Variants in ANTXR1 observed in about 807,000 individuals in gnomAD.
ANTXR1 encodes the protein ANTXR cell adhesion molecule 1, also known as anthrax toxin receptor 1.
In ANTXR1, 19 loss-of-function variants were observed where a neutral mutation model predicts 78.1. That is an observed-to-expected ratio of 0.24 (90% CI 0.17 to 0.36). The LOEUF (loss-of-function observed/expected upper bound fraction) is 0.36, where lower values mean the gene tolerates loss of function less well. Ranked by LOEUF, ANTXR1 falls within the 10% of genes least tolerant of loss-of-function variation. ANTXR1 has a pLI of 1.00. For synonymous variants in ANTXR1, 273 were observed against 260.5 expected (o/e 1.05, Z -0.46); for missense variants, 518 against 718.6 (o/e 0.72, Z 3.19).
chr2:69,038,214 G>C (rs1669505380), intron 1 of ANTXR1, among the ~76,000 whole-genome samples: 1 of 152,148 alleles, frequency 6.6e-6, no homozygotes, highest in South Asian at 2.1e-4. Flanking sequence ...TCATCTCTGA[G>C]TTCTTGAGGG....
At chr2:69,082,036 T>C (rs540242478) in intron 8 of ANTXR1, among the ~76,000 whole-genome samples, 1 of 152,342 alleles carries the variant, frequency 6.6e-6, no homozygotes, top group East Asian at 1.9e-4. Context: ...CACTGTGTTC[T>C]ACTAAACAAT....
At chr2:69,238,920 C>T (rs140049652) in intron 17 of ANTXR1, among the ~76,000 whole-genome samples, 18 of 152,262 alleles carry the variant, frequency 1.2e-4, no homozygotes, top group African/African-American at 3.6e-4. Flanking sequence ...CTCCACGGAG[C>T]GTGCCTGATG....
intron 3 of ANTXR1, among the ~76,000 whole-genome samples, chr2:69,066,017 G>T (rs1670386324): frequency 6.6e-6 from 1 of 152,140 alleles, no homozygotes; most frequent in Non-Finnish European, 1.5e-5. Context: ...GTGTAAACTA[G>T]ATCCACAAAA....
Position 69,123,068 on chromosome 2 carries a change from T to C in ANTXR1, c.854T>C (p.Ile285Thr), listed in dbSNP as rs371239458. ...ACTTATTTACTGTGTCCAGCGCCTA[T>C]CTTAAAAGAAGTTGGCATGTAAGTT... The part of the protein sequence containing the change: ...EDTYLLCPAP[I>T]LKEVGMKAAL... Residue 285 changes from isoleucine to threonine, a missense_variant, in exon 11 of 18, where the codon ATC (isoleucine) becomes ACC (threonine). Around this residue, in one of 5 missense-constraint regions of ANTXR1, gnomAD observed 264 missense variants for 391.8 expected, o/e 0.67. Coordinates refer to ENST00000303714, the MANE Select transcript of ANTXR1 (RefSeq NM_032208.3). 2.5e-6 allele frequency: 4 copies of C among 1,614,120 alleles called. No individual in the cohort carries two copies. In the African/African-American group the frequency reaches 5.3e-5, roughly 22 times the overall value.
At chr2:69,227,092 T>C (rs1675475160) in intron 17 of ANTXR1, among the ~76,000 whole-genome samples, 2 of 152,178 alleles carry the variant, frequency 1.3e-5, no homozygotes, top group Non-Finnish European at 2.9e-5. Flanking sequence ...TGGGGCCCAG[T>C]GGAAGCCTGA....
At chr2:69,117,315 T>C (rs1672177833) in intron 10 of ANTXR1, among the ~76,000 whole-genome samples, 1 of 152,190 alleles carries the variant, frequency 6.6e-6, no homozygotes, top group Admixed American at 6.5e-5. Context: ...GCTCTGACAC[T>C]CACAAGTGGT....
At position 69,013,533 on chromosome 2, in the gene ANTXR1, G is replaced by A. The variant is rs376783490; in HGVS notation, c.34G>A (p.Gly12Ser). ...ATAERRALGI[G>S]FQWLSLATLV... is the part of the protein sequence containing the mutation. ...GGCGGAGCGGAGAGCCCTCGGCATC[G>A]GCTTCCAGTGGCTCTCTTTGGCCAC... is the stretch of plus-strand genomic sequence containing the variant. Residue 12 changes from glycine to serine, a missense_variant, in exon 1 of 18, where the codon GGC (glycine) becomes AGC (serine). Around this residue, in one of 5 missense-constraint regions of ANTXR1, gnomAD observed 55 missense variants for 52.5 expected, o/e 1.05. Coordinates refer to ENST00000303714, the MANE Select transcript of ANTXR1 (RefSeq NM_032208.3). The surrounding 1 kb of genome is among the most constrained non-coding windows in gnomAD (Gnocchi z 5.0). 16 of 1,584,146 alleles carry A rather than the reference G, an allele frequency of 1.0e-5. No homozygotes were observed. The African/African-American group carries it at 1.3e-4, about 13-fold the overall frequency.
intron 3 of ANTXR1, among the ~76,000 whole-genome samples, chr2:69,055,950 AG>A (rs1314883289): frequency 7.2e-5 from 11 of 152,206 alleles, no homozygotes; most frequent in African/African-American, 2.7e-4. Flanking sequence ...TGTGAAATGA[AG>A]ATAGTAATGC....
Position 69,191,222 on chromosome 2 carries a change from G to A in ANTXR1, c.1354-2113G>A, listed in dbSNP as rs950119293. Among the ~76,000 whole-genome samples, 3 of 152,138 alleles carry A rather than the reference G, an allele frequency of 2.0e-5. No homozygotes were observed. In the East Asian group the frequency reaches 5.8e-4, roughly 29 times the overall value. Reference sequence around the variant, plus strand: ...TTGTAAATTCCTTGCCAAAATAGATGAGAAACACTACACTTGGCAAGACAA... The same window carrying A: ...TTGTAAATTCCTTGCCAAAATAGATAAGAAACACTACACTTGGCAAGACAA... On this transcript the variant is annotated intron_variant, in intron 16 of 17. Transcript: ENST00000303714.
chr2:69,220,767 G>C (rs1281992114), intron 17 of ANTXR1, among the ~76,000 whole-genome samples: 2 of 152,200 alleles, frequency 1.3e-5, no homozygotes, highest in South Asian at 4.1e-4. Flanking sequence ...TGAGCAGATT[G>C]TTGGGGGCCA....
chr2:69,051,177 T>C (rs1200754425), intron 3 of ANTXR1, among the ~76,000 whole-genome samples: 5 of 151,938 alleles, frequency 3.3e-5, no homozygotes, highest in Non-Finnish European at 5.9e-5. Context: ...TCCCACCTAC[T>C]TGGGAGGCGA....
intron 17 of ANTXR1, among the ~76,000 whole-genome samples, chr2:69,242,227 A>G (rs1250151931): frequency 6.6e-6 from 1 of 152,018 alleles, no homozygotes; most frequent in African/African-American, 2.4e-5. Flanking sequence ...CCAAGACACC[A>G]CGGCGGCAGC....
intron 17 of ANTXR1, among the ~76,000 whole-genome samples, chr2:69,194,023 G>A (rs528709799): frequency 6.6e-6 from 1 of 152,352 alleles, no homozygotes; most frequent in South Asian, 2.1e-4. Flanking sequence ...GATAGAGCCA[G>A]GGGAGACCTT....
intron 4 of ANTXR1, 91 bp downstream of exon 4, chr2:69,070,819 G>A: frequency 8.5e-7 from 1 of 1,181,142 alleles, no homozygotes; most frequent in Non-Finnish European, 1.3e-6. Flanking sequence ...CTTATATTAA[G>A]AGGGCTGACT....
rs115727745 is a variant in ANTXR1 at position 69,182,454 on chromosome 2, A to G, written c.1186-39A>G. On this transcript the variant is annotated intron_variant, in intron 15 of 17. Coordinates refer to ENST00000303714, the MANE Select transcript of ANTXR1 (RefSeq NM_032208.3). ...CATTCTCATTCTCGAGGGGCAGCAT[A>G]TTTTGTCATTTCATTTCATTGTATT... is the stretch of plus-strand genomic sequence containing the variant. 8.4e-4 allele frequency: 1,356 copies of G among 1,611,100 alleles called. 13 individuals are homozygous for G. In the African/African-American group the frequency reaches 0.016, roughly 19 times the overall value.
intron 16 of ANTXR1, among the ~76,000 whole-genome samples, chr2:69,188,415 G>A (rs140003867): frequency 1.1e-4 from 16 of 152,316 alleles, no homozygotes; most frequent in Middle Eastern, 3.4e-3. Flanking sequence ...AGAATGCTAT[G>A]AATGCTGGCT....
chr2:69,102,687 A>G (rs1671664130), intron 9 of ANTXR1, among the ~76,000 whole-genome samples, 155 bp from the exon 10 acceptor site: 1 of 152,266 alleles, frequency 6.6e-6, no homozygotes, highest in African/African-American at 2.4e-5. Context: ...AAGTAGTGAA[A>G]GGAACCCACC....
At chr2:69,123,167 C>G (rs1672409180) in intron 11 of ANTXR1, 81 bp downstream of exon 11, 5 of 1,461,664 alleles carry the variant, frequency 3.4e-6, no homozygotes, top group Non-Finnish European at 4.8e-6. Flanking sequence ...AAGAAAGCAT[C>G]TAGAGAAAGT....
At chr2:69,118,646 G>A (rs1393033141) in intron 10 of ANTXR1, among the ~76,000 whole-genome samples, 1 of 152,140 alleles carries the variant, frequency 6.6e-6, no homozygotes, top group African/African-American at 2.4e-5. Context: ...GGCTGTCCTA[G>A]GAGTGGATCG....
Sources: allele counts gnomAD v4.1 joint callset (sites outside exome capture counted in the v4.1 genomes callset), GRCh38; gene constraint gnomAD v4.1.1; regional missense constraint gnomAD v4.1.1; non-coding constraint Gnocchi (gnomAD v3.1); transcripts MANE v1.5; gene names NCBI Gene and HGNC (gene_info 2026-07-23, HGNC 2026-07-21).